Variants in DACH2 observed in about 807,000 individuals in gnomAD.
The protein encoded by DACH2 is dachshund homolog 2.
Under a neutral mutation model 35.8 loss-of-function variants are expected in DACH2, and 17 were observed. The observed-to-expected ratio is 0.48, with a 90% CI of 0.33 to 0.71. The LOEUF is 0.71. Ranked by LOEUF, DACH2 falls within the 30% of genes least tolerant of loss-of-function variation. The pLI is 0.02. For missense variants in DACH2, 469 were observed against 472.7 expected, an observed-to-expected ratio of 0.99 and a Z score of 0.07; for synonymous variants, 195 against 177.3, an observed-to-expected ratio of 1.10 and a Z score of -0.79.
intron 2 of DACH2, among the ~76,000 whole-genome samples, chrX:86,458,179 C>A (rs1166706196): frequency 9.0e-6 from 1 of 111,660 alleles, no homozygotes; most frequent in Non-Finnish European, 1.9e-5. Context: ...CATCCAATCT[C>A]TTTTACTTCT....
At chrX:86,181,210 A>C (rs903158551) in intron 1 of DACH2, among the ~76,000 whole-genome samples, 68 of 108,716 alleles carry the variant, frequency 6.3e-4, no homozygotes, top group Non-Finnish European at 1.2e-3. Flanking sequence ...TTATACTTTA[A>C]GTTCTGGGAT....
At chrX:86,644,012 T>C (rs1602733805) in intron 3 of DACH2, among the ~76,000 whole-genome samples, 1 of 111,489 alleles carries the variant, frequency 9.0e-6, no homozygotes, top group Non-Finnish European at 1.9e-5. Context: ...AACATTATAC[T>C]GAACGTGCAA....
intron 4 of DACH2, among the ~76,000 whole-genome samples, chrX:86,692,373 C>T (rs1336531225): frequency 1.8e-5 from 2 of 110,775 alleles, no homozygotes; most frequent in African/African-American, 6.6e-5. Flanking sequence ...CCTCCACCCG[C>T]CCCACCTTTT....
At chrX:86,368,606 A>G (rs1388857928) in intron 1 of DACH2, among the ~76,000 whole-genome samples, 1 of 101,819 alleles carries the variant, frequency 9.8e-6, no homozygotes, top group Non-Finnish European at 2.0e-5. Context: ...TCTGTCACCC[A>G]GGCTGGAGTG....
intron 4 of DACH2, among the ~76,000 whole-genome samples, chrX:86,657,352 G>A (rs1022283284): frequency 6.3e-5 from 7 of 110,901 alleles, no homozygotes; most frequent in South Asian, 3.8e-4. Flanking sequence ...AATATCTCAT[G>A]TAATACATAA....
In DACH2 at chrX:86,506,610, G is replaced by A. The variant is rs774695168; in HGVS notation, c.528-7669G>A. Among the ~76,000 whole-genome samples, 12 of 110,592 alleles carry A rather than the reference G, an allele frequency of 1.1e-4. No individual in the cohort carries two copies. The South Asian group carries it at 1.5e-3, about 14-fold the overall frequency. Reference sequence around the variant, plus strand: ...CTGTCTTGCTATGTTGCGCAGGCTCGTCTCAAACTCCTGGCCTCAAGTGAT... The same window carrying A: ...CTGTCTTGCTATGTTGCGCAGGCTCATCTCAAACTCCTGGCCTCAAGTGAT... On this transcript the variant is annotated intron_variant, in intron 2 of 11. Coordinates refer to ENST00000373125, the MANE Select transcript of DACH2 (RefSeq NM_053281.3).
intron 7 of DACH2, among the ~76,000 whole-genome samples, chrX:86,754,906 G>GT (rs2041811815): frequency 9.0e-6 from 1 of 111,540 alleles, no homozygotes; most frequent in Admixed American, 9.5e-5. Context: ...GTAGTTATTT[G>GT]TTTGGTATAC....
chrX:86,707,598 C>T (rs1386564092), intron 5 of DACH2, among the ~76,000 whole-genome samples: 1 of 110,898 alleles, frequency 9.0e-6, no homozygotes, highest in African/African-American at 3.3e-5. Context: ...CAGAATAGTA[C>T]ATTAAAGTTA....
At chrX:86,747,579 A>G (rs915720910) in intron 7 of DACH2, among the ~76,000 whole-genome samples, 2 of 111,979 alleles carry the variant, frequency 1.8e-5, no homozygotes, top group Non-Finnish European at 3.8e-5. Flanking sequence ...TGATGCCATT[A>G]TGTCTAAAAA....
At chrX:86,252,844 A>G (rs1481614677) in intron 1 of DACH2, among the ~76,000 whole-genome samples, 1 of 110,637 alleles carries the variant, frequency 9.0e-6, no homozygotes, top group Non-Finnish European at 1.9e-5. Context: ...TTGTTTCTGT[A>G]TGAATTTTAG....
intron 3 of DACH2, among the ~76,000 whole-genome samples, chrX:86,576,464 C>T (rs2039436833): frequency 9.0e-6 from 1 of 111,667 alleles, no homozygotes; most frequent in African/African-American, 3.3e-5. Context: ...ATATGCACAA[C>T]ATAAAATATG....
At chrX:86,190,994 T>C (rs1314577275) in intron 1 of DACH2, among the ~76,000 whole-genome samples, 1 of 111,637 alleles carries the variant, frequency 9.0e-6, no homozygotes, top group East Asian at 2.8e-4. Flanking sequence ...CTAGCAAGGT[T>C]GTGGAGAAAA....
At chrX:86,816,148 C>T (rs12837683) in intron 11 of DACH2, 49 bp downstream of exon 11, 4 of 913,872 alleles carry the variant, frequency 4.4e-6, no homozygotes, top group Non-Finnish European at 5.9e-6. Flanking sequence ...TATGTGACCC[C>T]TGGGGATGAG....
chrX:86,791,440 C>G (rs2042186090), intron 7 of DACH2, among the ~76,000 whole-genome samples: 1 of 111,633 alleles, frequency 9.0e-6, no homozygotes, highest in African/African-American at 3.3e-5. Flanking sequence ...AAATCCTCTT[C>G]TAATTACTGG....
intron 1 of DACH2, among the ~76,000 whole-genome samples, chrX:86,175,651 C>A (rs1386429491): frequency 9.0e-6 from 1 of 111,236 alleles, no homozygotes; most frequent in African/African-American, 3.3e-5. Flanking sequence ...AGTGATATTC[C>A]TGAATAGGAA....
chrX:86,454,001 T>G (rs931534668), intron 2 of DACH2, among the ~76,000 whole-genome samples: 3 of 111,859 alleles, frequency 2.7e-5, no homozygotes, highest in Non-Finnish European at 5.6e-5. Context: ...AGAATTTGCT[T>G]ATCTGAAAAG....
intron 1 of DACH2, among the ~76,000 whole-genome samples, chrX:86,169,605 T>A (rs1365943531): frequency 1.8e-5 from 2 of 110,435 alleles, no homozygotes; most frequent in African/African-American, 6.6e-5. Flanking sequence ...CTCCTCTGTG[T>A]ATTTTCAAAT....
chrX:86,434,274 A>C lies in DACH2; in HGVS notation c.527+57412A>C, dbSNP rs190263565. On this transcript the variant is annotated intron_variant, in intron 2 of 11. Transcript: ENST00000373125. ...ATATTTTGATATGGGCATGTAGTGC[A>C]TAATAATCACATAATGGAGAATGGG... 2.6e-4 allele frequency among the ~76,000 whole-genome samples: 29 copies of C among 111,914 alleles called. No individual in the cohort carries two copies. In the East Asian group the frequency reaches 3.1e-3, roughly 12 times the overall value.
chrX:86,347,617 G>A (rs1427923133), intron 1 of DACH2, among the ~76,000 whole-genome samples: 1 of 112,833 alleles, frequency 8.9e-6, no homozygotes, highest in African/African-American at 3.2e-5. Flanking sequence ...TGCACCAGCT[G>A]CCAGCTGTTT....
Sources: gnomAD v4.1 joint callset for allele counts (sites outside exome capture counted in the v4.1 genomes callset) on GRCh38, gnomAD v4.1.1 for gene constraint, MANE v1.5 for transcripts, NCBI Gene and HGNC (gene_info 2026-07-23, HGNC 2026-07-21) for gene names.